THSD7B: variants seen among roughly 807,000 people sequenced by gnomAD.
THSD7B encodes thrombospondin type 1 domain containing 7B.
THSD7B carries 138 observed loss-of-function variants against 213.6 expected under a neutral mutation model. The observed-to-expected ratio is 0.65, with a 90% CI of 0.56 to 0.74. The LOEUF (loss-of-function observed/expected upper bound fraction) is 0.74. THSD7B is among the 30% of genes least tolerant of loss of function. The probability of loss-of-function intolerance (pLI) is 0.00; values close to 1 mark genes in which losing one functional copy is unlikely to be tolerated. For missense variants in THSD7B, 1,931 were observed against 1,991.5 expected (o/e 0.97, Z 0.58); for synonymous variants, 742 against 687.0 (o/e 1.08, Z -1.25).
intron 3 of THSD7B, among the ~76,000 whole-genome samples, chr2:137,076,033 A>G (rs1354524667): frequency 6.6e-6 from 1 of 152,208 alleles, no homozygotes; most frequent in Non-Finnish European, 1.5e-5. Flanking sequence ...CTCGGGGGTC[A>G]GGGACCCACT....
chr2:137,117,742 A>T lies in THSD7B; in HGVS notation c.1369+2449A>T, dbSNP rs377609796. Among the ~76,000 whole-genome samples the T allele has an allele frequency of 2.0e-4, 31 of 152,274 alleles. No individual in the cohort carries two copies. In the East Asian group the frequency reaches 2.9e-3, roughly 14 times the overall value. Reference sequence around the variant, plus strand: ...GGAATTTACAATCTTGGGGGGGAAAAACAGACTTCATTTCCATGGATCCTT... The same window carrying T: ...GGAATTTACAATCTTGGGGGGGAAATACAGACTTCATTTCCATGGATCCTT... On this transcript the variant is annotated intron_variant, in intron 5 of 27. Transcript: ENST00000409968.
chr2:137,376,971 T>C (rs915876228), intron 12 of THSD7B, among the ~76,000 whole-genome samples: 1 of 152,190 alleles, frequency 6.6e-6, no homozygotes, highest in Admixed American at 6.5e-5. Flanking sequence ...AAAAGAACAC[T>C]CATTTAAAAG....
At chr2:136,821,785 G>C (rs1682568306) in intron 1 of THSD7B, among the ~76,000 whole-genome samples, 1 of 152,068 alleles carries the variant, frequency 6.6e-6, no homozygotes, top group African/African-American at 2.4e-5. Flanking sequence ...GGCTTCTATG[G>C]GAGCCTTCAC....
At chr2:137,421,804 T>A (rs1686935579) in intron 14 of THSD7B, among the ~76,000 whole-genome samples, 1 of 152,160 alleles carries the variant, frequency 6.6e-6, no homozygotes, top group Non-Finnish European at 1.5e-5. Flanking sequence ...TCCTGAGGCC[T>A]AACACACCCA....
chr2:137,429,313 A>T (rs1013201083), intron 14 of THSD7B, among the ~76,000 whole-genome samples: 2 of 152,236 alleles, frequency 1.3e-5, no homozygotes, highest in Non-Finnish European at 2.9e-5. Flanking sequence ...TATGTGAATT[A>T]TATCTCAGTA....
At chr2:137,500,414 C>T (rs1308070687) in intron 15 of THSD7B, among the ~76,000 whole-genome samples, 1 of 152,192 alleles carries the variant, frequency 6.6e-6, no homozygotes, top group African/African-American at 2.4e-5. Context: ...AACGGCCCTG[C>T]TGTCATTGCA....
At chr2:137,532,582 A>G (rs1383802905) in intron 15 of THSD7B, among the ~76,000 whole-genome samples, 1 of 151,840 alleles carries the variant, frequency 6.6e-6, no homozygotes, top group East Asian at 1.9e-4. Context: ...ATGATTTGCT[A>G]TAAATGATTA....
intron 12 of THSD7B, among the ~76,000 whole-genome samples, chr2:137,360,710 C>T (rs1184268390): frequency 1.3e-5 from 2 of 152,180 alleles, no homozygotes; most frequent in African/African-American, 2.4e-5. Flanking sequence ...CCTGGAATCT[C>T]GAACTGGGTG....
intron 1 of THSD7B, among the ~76,000 whole-genome samples, chr2:136,865,230 C>G (rs1451693407): frequency 6.6e-6 from 1 of 152,170 alleles, no homozygotes; most frequent in Non-Finnish European, 1.5e-5. Context: ...TGTGGGAAAC[C>G]ATGCTTCATA....
chr2:137,066,984 A>G (rs1352085770), intron 3 of THSD7B, among the ~76,000 whole-genome samples: 2 of 152,148 alleles, frequency 1.3e-5, no homozygotes, highest in African/African-American at 4.8e-5. Flanking sequence ...TGAGCCTATC[A>G]AAGGTACTTT....
At chr2:136,878,905 C>A (rs1458904758) in intron 1 of THSD7B, among the ~76,000 whole-genome samples, 2 of 152,100 alleles carry the variant, frequency 1.3e-5, no homozygotes, top group Non-Finnish European at 1.5e-5. Flanking sequence ...TGCGGTGCAG[C>A]AGCTCTTTAG....
intron 12 of THSD7B, among the ~76,000 whole-genome samples, chr2:137,355,404 G>T (rs1365347367): frequency 6.6e-6 from 1 of 152,090 alleles, no homozygotes; most frequent in Non-Finnish European, 1.5e-5. Context: ...ATCTATGAAT[G>T]AAACTAAAAT....
chr2:137,107,209 A>G (rs1427070555), intron 4 of THSD7B, among the ~76,000 whole-genome samples: 53 of 152,336 alleles, frequency 3.5e-4, no homozygotes. Context: ...ATGCAGCCAT[A>G]AAAAAGGATG....
chr2:137,429,675 A>C (rs1687133237), intron 14 of THSD7B, among the ~76,000 whole-genome samples: 1 of 152,182 alleles, frequency 6.6e-6, no homozygotes, highest in Non-Finnish European at 1.5e-5. Flanking sequence ...CTCAGAATAG[A>C]GGAATATTTA....
At chr2:137,630,614 G>A (rs1573754037) in intron 20 of THSD7B, among the ~76,000 whole-genome samples, 1 of 152,176 alleles carries the variant, frequency 6.6e-6, no homozygotes, top group East Asian at 1.9e-4. Flanking sequence ...GTAATCAGAA[G>A]CAGGAATGTA....
At chr2:137,264,227 A>G (rs1237050481) in intron 10 of THSD7B, among the ~76,000 whole-genome samples, 1 of 151,350 alleles carries the variant, frequency 6.6e-6, no homozygotes, top group Non-Finnish European at 1.5e-5. Context: ...TGCTGTCTAT[A>G]GTATTGACTT....
chr2:136,800,993 T>C (rs1038561125), intron 1 of THSD7B, among the ~76,000 whole-genome samples: 1 of 152,080 alleles, frequency 6.6e-6, no homozygotes, highest in Non-Finnish European at 1.5e-5. Flanking sequence ...AAGACTTTCA[T>C]GACTTTGCCA....
intron 2 of THSD7B, among the ~76,000 whole-genome samples, chr2:136,979,972 G>T (rs893941417): frequency 1.3e-5 from 2 of 151,916 alleles, no homozygotes; most frequent in Non-Finnish European, 2.9e-5. Flanking sequence ...TGTTGATGTT[G>T]TTGTTGCTGT....
intron 15 of THSD7B, among the ~76,000 whole-genome samples, chr2:137,545,457 A>G (rs1254732133): frequency 6.6e-6 from 1 of 151,816 alleles, no homozygotes; most frequent in Non-Finnish European, 1.5e-5. Context: ...AGGATAAAGG[A>G]TCACTTCACC....
Sources: allele counts gnomAD v4.1 joint callset (sites outside exome capture counted in the v4.1 genomes callset), GRCh38; gene constraint gnomAD v4.1.1; transcripts MANE v1.5; gene names NCBI Gene and HGNC (gene_info 2026-07-23, HGNC 2026-07-21).